Variants in FUT8 observed in about 807,000 individuals in gnomAD.
FUT8 encodes the protein alpha-(1,6)-fucosyltransferase.
FUT8 carries 29 observed loss-of-function variants against 71.3 expected under a neutral mutation model. The ratio of observed to expected loss-of-function variants is 0.41; its 90% CI spans 0.30 to 0.55. The LOEUF (loss-of-function observed/expected upper bound fraction) is 0.55. Among genes scored for constraint, FUT8 ranks in the 20% least tolerant of loss-of-function variants. The pLI, the probability that FUT8 is intolerant of heterozygous loss-of-function variation, is 0.34. For synonymous variants in FUT8, 254 were observed against 239.3 expected (o/e 1.06, Z -0.57); for missense variants, 544 against 702.1 (o/e 0.77, Z 2.55).
chr14:65,429,998 C>T (rs944207607), intron 1 of FUT8, among the ~76,000 whole-genome samples: 1 of 146,012 alleles, frequency 6.8e-6, no homozygotes, highest in Non-Finnish European at 1.5e-5. Context: ...GGTGACTGTT[C>T]TTATTGCAAG....
intron 3 of FUT8, among the ~76,000 whole-genome samples, chr14:65,567,326 G>A (rs762502631): frequency 1.4e-4 from 22 of 151,898 alleles, no homozygotes; most frequent in Non-Finnish European, 2.7e-4. Context: ...GCCAATACGG[G>A]TTACAGACAA....
chr14:65,512,412 G>T (rs1161635156), intron 2 of FUT8, among the ~76,000 whole-genome samples: 1 of 152,100 alleles, frequency 6.6e-6, no homozygotes, highest in Non-Finnish European at 1.5e-5. Flanking sequence ...GAGATCCCCT[G>T]CCTTGGCCTC....
chr14:65,548,154 A>G (rs1885080148), intron 2 of FUT8, among the ~76,000 whole-genome samples: 1 of 151,976 alleles, frequency 6.6e-6, no homozygotes, highest in Non-Finnish European at 1.5e-5. Context: ...GATGAGTACT[A>G]CAGAATTGAT....
chr14:65,661,026 C>G (rs937239048), intron 6 of FUT8, among the ~76,000 whole-genome samples: 2 of 152,120 alleles, frequency 1.3e-5, no homozygotes, highest in Non-Finnish European at 2.9e-5. Context: ...CTGATTAGAG[C>G]AGACAAAGAG....
intron 6 of FUT8, among the ~76,000 whole-genome samples, chr14:65,633,230 G>A (rs1890309742): frequency 6.6e-6 from 1 of 152,112 alleles, no homozygotes; most frequent in African/African-American, 2.4e-5. Context: ...TGTGTTGGCC[G>A]GGCTGGTCTC....
chr14:65,716,162 T>C (rs1227808228), intron 7 of FUT8, among the ~76,000 whole-genome samples: 1 of 152,194 alleles, frequency 6.6e-6, no homozygotes, highest in Non-Finnish European at 1.5e-5. Context: ...CTGATGCAGA[T>C]TAAGTCTGAT....
chr14:65,642,519 C>T (rs997572943), intron 6 of FUT8, among the ~76,000 whole-genome samples: 1 of 148,702 alleles, frequency 6.7e-6, no homozygotes, highest in African/African-American at 2.5e-5. Flanking sequence ...AGGAGAATCT[C>T]TTGAACCCAG....
At chr14:65,454,496 T>TA (rs566565972) in intron 1 of FUT8, among the ~76,000 whole-genome samples, 19 of 151,190 alleles carry the variant, frequency 1.3e-4, no homozygotes, top group Non-Finnish European at 2.4e-4. Context: ...TTTAAAATCT[T>TA]AAAAAAAAAG....
At chr14:65,381,599 G>T in the FUT8 span, among the ~76,000 whole-genome samples, 1 of 152,190 alleles carries the variant, frequency 6.6e-6, no homozygotes, top group Non-Finnish European at 1.5e-5. Context: ...GCTCTCAGCA[G>T]TCATTCATAC....
Position 65,467,756 on chromosome 14 carries a change from G to C in FUT8, c.-228+12038G>C, listed in dbSNP as rs2066066884. ...CCCAAAGTGCTGGGATTACAGGTGT[G>C]AGCCACCGTGCCCAGCCAGTCTAGA... is the stretch of plus-strand genomic sequence containing the variant. On this transcript the variant is annotated intron_variant, in intron 2 of 10. Coordinates refer to ENST00000673929, the MANE Select transcript of FUT8 (RefSeq NM_001371533.1). This position sits in a 1 kb window ranked among gnomAD's most constrained non-coding sequence, Gnocchi z 4.1. The C allele has an allele frequency of 1.7e-6, 1 of 573,340 alleles. No individual in the cohort carries two copies. The highest frequency in any genetic ancestry group is 3.3e-6 in the Non-Finnish European group (1 of 302,950). The allele number at this position is 573,340 out of a possible 1,614,324, so 35.5% of individuals were successfully genotyped here. A position where few individuals can be genotyped will look rare whatever the true frequency, so the allele number is the denominator to read the frequency against.
chr14:65,608,661 T>C (rs1224440748), intron 3 of FUT8, among the ~76,000 whole-genome samples: 2 of 151,972 alleles, frequency 1.3e-5, no homozygotes, highest in African/African-American at 4.8e-5. Context: ...TCAGAAAAAC[T>C]TAACATGTAG....
At chr14:65,694,954 T>TAATGGGTG (rs1893914336) in intron 7 of FUT8, among the ~76,000 whole-genome samples, 2 of 151,252 alleles carry the variant, frequency 1.3e-5, no homozygotes, top group Admixed American at 1.3e-4. Context: ...AGTGACAAGT[T>TAATGGGTG]AATGGGTGCA....
intron 1 of FUT8, among the ~76,000 whole-genome samples, chr14:65,429,529 G>C (rs182429485): frequency 5.9e-5 from 9 of 152,194 alleles, no homozygotes; most frequent in Admixed American, 1.3e-4. Flanking sequence ...TTTATTTTAT[G>C]AAGATTTGTC....
intron 7 of FUT8, among the ~76,000 whole-genome samples, chr14:65,677,114 TTGTGTGTGTGTGTGTGTGTGTG>T (rs1555383258): frequency 1.2e-4 from 13 of 110,216 alleles, no homozygotes; most frequent in African/African-American, 4.3e-4. Context: ...AAAGACATAT[TTGTGTGTGTGTGTGTGTGTGTG>T]TGTGTGTGTG....
At chr14:65,375,154 T>A in the FUT8 span, among the ~76,000 whole-genome samples, 1 of 152,176 alleles carries the variant, frequency 6.6e-6, no homozygotes, top group African/African-American at 2.4e-5. Context: ...AGTTCCTCAA[T>A]ACACCCTTTA....
intron 2 of FUT8, among the ~76,000 whole-genome samples, chr14:65,485,685 A>G (rs969356720): frequency 6.6e-6 from 1 of 152,200 alleles, no homozygotes; most frequent in Non-Finnish European, 1.5e-5. Context: ...GCCCTGCTGC[A>G]GATTTCTGGG....
At chr14:65,389,106 G>T in the FUT8 span, among the ~76,000 whole-genome samples, 142 of 150,694 alleles carry the variant, frequency 9.4e-4, 4 homozygotes, top group Non-Finnish European at 1.3e-3. Context: ...TGATCCTCCT[G>T]CCTTGGTCTC....
At chr14:65,476,637 A>ATTTTTTTTTTTTTT (rs200882761) in intron 2 of FUT8, among the ~76,000 whole-genome samples, 1 of 125,084 alleles carries the variant, frequency 8.0e-6, no homozygotes, top group African/African-American at 3.1e-5. Flanking sequence ...AAAGAAGTAG[A>ATTTTTTTTTTTTTT]TTTTTTTTTT....
chr14:65,383,265 CTTTTT>C, the FUT8 span, among the ~76,000 whole-genome samples: 31 of 86,534 alleles, frequency 3.6e-4, no homozygotes, highest in African/African-American at 1.2e-3. Flanking sequence ...TTTTTCTTTT[CTTTTT>C]TTTTTTTTTT....
Sources: allele counts gnomAD v4.1 joint callset (sites outside exome capture counted in the v4.1 genomes callset), GRCh38; gene constraint gnomAD v4.1.1; non-coding constraint Gnocchi (gnomAD v3.1); transcripts MANE v1.5; gene names NCBI Gene and HGNC (gene_info 2026-07-23, HGNC 2026-07-21).